NEGR1: variants seen among roughly 807,000 people sequenced by gnomAD.
NEGR1 encodes IgLON family member 4.
A neutral mutation model predicts 40.9 loss-of-function variants in NEGR1; 10 were observed. That is an observed-to-expected ratio of 0.24 (90% confidence interval 0.15 to 0.42). The LOEUF is 0.42. Among genes scored for constraint, NEGR1 ranks in the 10% least tolerant of loss-of-function variants. The pLI, the probability that NEGR1 is intolerant of heterozygous loss-of-function variation, is 1.00. For missense variants in NEGR1, 352 were observed against 438.9 expected (o/e 0.80, Z 1.77); for synonymous variants, 185 against 166.8 (o/e 1.11, Z -0.84).
chr1:71,813,412 T>A (rs1441138938), intron 2 of NEGR1, among the ~76,000 whole-genome samples: 3 of 152,090 alleles, frequency 2.0e-5, no homozygotes, highest in African/African-American at 7.2e-5. Context: ...CTTCCCTATA[T>A]GGGCTCTTTT....
intron 1 of NEGR1, among the ~76,000 whole-genome samples, chr1:72,271,259 A>C (rs1655834593): frequency 6.6e-6 from 1 of 151,926 alleles, no homozygotes; most frequent in Non-Finnish European, 1.5e-5. Context: ...AGAGATGCAG[A>C]AGATTTTTCA....
intron 6 of NEGR1, among the ~76,000 whole-genome samples, chr1:71,547,661 T>C (rs1231171366): frequency 6.6e-6 from 1 of 151,728 alleles, no homozygotes; most frequent in African/African-American, 2.4e-5. Context: ...GAAGATTTCA[T>C]GCACATTTTG....
chr1:71,581,917 T>G (rs898110791), intron 6 of NEGR1, among the ~76,000 whole-genome samples: 2 of 152,058 alleles, frequency 1.3e-5, no homozygotes, highest in Admixed American at 1.3e-4. Flanking sequence ...TTGCCCAAGC[T>G]GGTCTTAAAC....
At chr1:71,661,914 G>A (rs1652067516) in intron 4 of NEGR1, among the ~76,000 whole-genome samples, 1 of 152,188 alleles carries the variant, frequency 6.6e-6, no homozygotes, top group Non-Finnish European at 1.5e-5. Flanking sequence ...AATCAACTGT[G>A]TGACTGGAAA....
At chr1:72,117,150 T>C (rs529930631) in intron 1 of NEGR1, among the ~76,000 whole-genome samples, 3 of 151,964 alleles carry the variant, frequency 2.0e-5, no homozygotes, top group South Asian at 2.1e-4. Flanking sequence ...GTTTTACTAA[T>C]ACATGTTAAA....
At chr1:72,151,509 T>C (rs1394400281) in intron 1 of NEGR1, among the ~76,000 whole-genome samples, 1 of 151,506 alleles carries the variant, frequency 6.6e-6, no homozygotes, top group Non-Finnish European at 1.5e-5. Context: ...CATACACACA[T>C]ATACATGATA....
intron 6 of NEGR1, among the ~76,000 whole-genome samples, chr1:71,581,726 C>T (rs1402597017): frequency 8.0e-5 from 12 of 149,810 alleles, no homozygotes; most frequent in Admixed American, 6.0e-4. Flanking sequence ...AATTTGAGAC[C>T]GGGTCTCACT....
At chr1:72,047,346 A>G (rs1187312644) in intron 1 of NEGR1, among the ~76,000 whole-genome samples, 1 of 151,608 alleles carries the variant, frequency 6.6e-6, no homozygotes, top group South Asian at 2.1e-4. Flanking sequence ...GAGCAGAAAT[A>G]GAGTTAAAAT....
At chr1:72,060,537 A>G (rs1222495399) in intron 1 of NEGR1, among the ~76,000 whole-genome samples, 1 of 151,600 alleles carries the variant, frequency 6.6e-6, no homozygotes, top group Non-Finnish European at 1.5e-5. Context: ...TGAAAGATCT[A>G]TGTCTTTTAA....
At chr1:71,796,275 G>A (rs1252240219) in intron 2 of NEGR1, among the ~76,000 whole-genome samples, 2 of 152,198 alleles carry the variant, frequency 1.3e-5, no homozygotes, top group Non-Finnish European at 2.9e-5. Flanking sequence ...TGTGCAAAAT[G>A]AGTCCTATTT....
chr1:71,560,903 G>A (rs1174710490), intron 6 of NEGR1, among the ~76,000 whole-genome samples: 2 of 151,500 alleles, frequency 1.3e-5, no homozygotes, highest in Non-Finnish European at 3.0e-5. Context: ...AAGAAATAAT[G>A]TATCTTTTTC....
At chr1:71,559,019 G>GTGTGTGTGTATATATA (rs377263417) in intron 6 of NEGR1, among the ~76,000 whole-genome samples, 2 of 114,048 alleles carry the variant, frequency 1.8e-5, no homozygotes, top group African/African-American at 6.1e-5. Context: ...CTGTGTGTGT[G>GTGTGTGTGTATATATA]TATATATATA....
intron 6 of NEGR1, among the ~76,000 whole-genome samples, chr1:71,432,882 A>G (rs1646479023): frequency 6.6e-6 from 1 of 152,170 alleles, no homozygotes; most frequent in Admixed American, 6.5e-5. Flanking sequence ...CTCCCCATGA[A>G]CATGGCTTAA....
In NEGR1 at chr1:71,735,461, A is replaced by C. The variant is rs1032430726; in HGVS notation, c.536-37322T>G. On this transcript the variant is annotated intron_variant, in intron 3 of 6. Coordinates refer to ENST00000357731, the MANE Select transcript of NEGR1 (RefSeq NM_173808.3). ...CTGATATTTAATGAATGGTTGCTTA[A>C]TTGGGTGGCTGGTAAAGGGGGACAT... is the stretch of plus-strand genomic sequence containing the variant. Among the ~76,000 whole-genome samples the C allele has an allele frequency of 2.6e-5, 4 of 152,186 alleles. No individual in the cohort carries two copies. In the South Asian group the frequency reaches 8.3e-4, roughly 32 times the overall value.
rs550543677 is a variant in NEGR1 at position 71,822,232 on chromosome 1, A to G, written c.410-45935T>C. Reference sequence around the variant, plus strand: ...GCAAATGGCCTGGAAGCAAAAGGCTAGACTGTCACAGACAAGGATGAATGA... The same window carrying G: ...GCAAATGGCCTGGAAGCAAAAGGCTGGACTGTCACAGACAAGGATGAATGA... On this transcript the variant is annotated intron_variant, in intron 2 of 6. Transcript: ENST00000357731. Among the ~76,000 whole-genome samples the G allele has an allele frequency of 4.7e-4, 71 of 152,100 alleles. 1 individual carries two copies. In the South Asian group the frequency reaches 0.014, roughly 31 times the overall value.
chr1:71,936,801 T>C (rs181699526), intron 1 of NEGR1, among the ~76,000 whole-genome samples: 18 of 152,300 alleles, frequency 1.2e-4, no homozygotes, highest in Non-Finnish European at 2.4e-4. Context: ...AAATACAGCA[T>C]TGTGTTTAAT....
In NEGR1 at chr1:71,948,881, C is replaced by T. The variant is rs562337498; in HGVS notation, c.177-13570G>A. On this transcript the variant is annotated intron_variant, in intron 1 of 6. Transcript: ENST00000357731. ...CTTTACTAGATTGCTGCATATTTTT[C>T]GAGCCCCATGACTATCATCTCTCAA... 9.2e-5 allele frequency among the ~76,000 whole-genome samples: 14 copies of T among 152,126 alleles called. 1 individual carries two copies. In the South Asian group the frequency reaches 1.2e-3, roughly 14 times the overall value.
At chr1:71,725,861 C>T (rs914355205) in intron 3 of NEGR1, among the ~76,000 whole-genome samples, 1 of 152,072 alleles carries the variant, frequency 6.6e-6, no homozygotes, top group Non-Finnish European at 1.5e-5. Flanking sequence ...TATCACTGCT[C>T]CTCCTCAGTG....
intron 6 of NEGR1, among the ~76,000 whole-genome samples, chr1:71,512,819 A>G (rs1647085149): frequency 6.6e-6 from 1 of 152,094 alleles, no homozygotes. Context: ...TGACCTTGTG[A>G]TCCACCCGCC....
Sources: allele counts gnomAD v4.1 joint callset (sites outside exome capture counted in the v4.1 genomes callset), GRCh38; gene constraint gnomAD v4.1.1; transcripts MANE v1.5; gene names NCBI Gene and HGNC (gene_info 2026-07-23, HGNC 2026-07-21).